Variants in GPHN observed in about 807,000 individuals in gnomAD.
GPHN encodes gephyrin.
A neutral mutation model predicts 95.5 loss-of-function variants in GPHN; 17 were observed. That is an observed-to-expected ratio of 0.18 (90% confidence interval 0.12 to 0.27). The LOEUF (loss-of-function observed/expected upper bound fraction) is 0.27. GPHN is among the 10% of genes least tolerant of loss of function. The pLI is 1.00. For missense variants in GPHN, 660 were observed against 978.1 expected (o/e 0.67, Z 4.34); for synonymous variants, 320 against 322.5 (o/e 0.99, Z 0.08).
chr14:66,614,038 T>G (rs1177840737), intron 1 of GPHN, among the ~76,000 whole-genome samples: 2 of 152,174 alleles, frequency 1.3e-5, no homozygotes, highest in Non-Finnish European at 2.9e-5. Context: ...AATTTGTATT[T>G]GTATTTGCCA....
At chr14:67,101,840 G>T (rs879390596) in intron 13 of GPHN, among the ~76,000 whole-genome samples, 57 of 145,228 alleles carry the variant, frequency 3.9e-4, no homozygotes, top group Non-Finnish European at 7.0e-4. Flanking sequence ...ATATATCATT[G>T]GTTTATGTAT....
In GPHN at chr14:66,703,363, A is replaced by G. The variant is rs117384118; in HGVS notation, c.143+22178A>G. On this transcript the variant is annotated intron_variant, in intron 2 of 22. Coordinates refer to ENST00000478722, the MANE Select transcript of GPHN (RefSeq NM_020806.5). ...AATCATCAGATTCTCCAAGGACAAA[A>G]TGAAGGAAAAAGTATTAAGGACAGC... Among the ~76,000 whole-genome samples the G allele has an allele frequency of 4.3e-3, 650 of 152,304 alleles. 7 individuals are homozygous for G. Among genetic ancestry groups the G allele is most frequent in the Admixed American group, 0.013 (193 of 15,300 alleles).
the GPHN span, chr14:67,578,753 C>T: frequency 4.2e-6 from 3 of 710,848 alleles, no homozygotes; most frequent in Admixed American, 2.1e-5. The surrounding 1 kb of genome is among the most constrained non-coding windows in gnomAD (Gnocchi z 5.0). Flanking sequence ...GCTCAGTGGT[C>T]GTGGAGACTT....
chr14:66,740,328 G>T (rs1462944188), intron 2 of GPHN, among the ~76,000 whole-genome samples: 1 of 152,058 alleles, frequency 6.6e-6, no homozygotes, highest in African/African-American at 2.4e-5. Context: ...TTAACGTCAT[G>T]AGGGAAATAT....
rs551352287 is a variant in GPHN at position 66,945,396 on chromosome 14, CT to C, written c.829-19793del. 1.7e-3 allele frequency among the ~76,000 whole-genome samples: 261 copies of C among 152,252 alleles called. 1 individual carries two copies. Among genetic ancestry groups the C allele is most frequent in the African/African-American group, 6.0e-3 (251 of 41,538 alleles). On this transcript the variant is annotated intron_variant, in intron 8 of 22. Transcript: ENST00000478722. Reference sequence around the variant, plus strand: ...TGGAGATTCTCCAGGGAACCTCCACCTTATCTACCTCCTGCATCTATCAGTA... The same window carrying C: ...TGGAGATTCTCCAGGGAACCTCCACCTATCTACCTCCTGCATCTATCAGTA...
chr14:67,187,288 A>C, the GPHN span, among the ~76,000 whole-genome samples: 4 of 152,196 alleles, frequency 2.6e-5, no homozygotes, highest in Admixed American at 2.6e-4. Context: ...CAAGCACCTC[A>C]TTCTTTCTGC....
intron 10 of GPHN, among the ~76,000 whole-genome samples, chr14:67,057,429 A>G (rs2075644315): frequency 6.7e-6 from 1 of 150,272 alleles, no homozygotes; most frequent in Non-Finnish European, 1.5e-5. Flanking sequence ...GCAACAGCAC[A>G]CACTGGGTCC....
chr14:67,390,845 G>A, the GPHN span: 28 of 831,340 alleles, frequency 3.4e-5, no homozygotes, highest in East Asian at 4.1e-4. Context: ...AAGCCAGCCC[G>A]CTCCAATGGG....
At chr14:66,799,273 G>A (rs2060263896) in intron 3 of GPHN, among the ~76,000 whole-genome samples, 1 of 151,954 alleles carries the variant, frequency 6.6e-6, no homozygotes, top group Admixed American at 6.6e-5. Context: ...GTGCTAAGGA[G>A]AGGAATGTGT....
At chr14:67,312,564 A>G in the GPHN span, 1 of 1,607,606 alleles carries the variant, frequency 6.2e-7, no homozygotes, top group Non-Finnish European at 8.5e-7. Context: ...GACCCCTCAG[A>G]TGACCCTTAT....
At chr14:67,325,517 G>A in the GPHN span, among the ~76,000 whole-genome samples, 1 of 152,186 alleles carries the variant, frequency 6.6e-6, no homozygotes, top group Non-Finnish European at 1.5e-5. Context: ...GAAATAGGCA[G>A]CATGGTCACT....
chr14:66,753,932 A>G (rs1197167279), intron 2 of GPHN, among the ~76,000 whole-genome samples: 1 of 152,074 alleles, frequency 6.6e-6, no homozygotes, highest in Non-Finnish European at 1.5e-5. Context: ...AGATTTGCCT[A>G]TTCTAGACTT....
chr14:66,719,620 C>A (rs1476855234), intron 2 of GPHN, among the ~76,000 whole-genome samples: 1 of 152,142 alleles, frequency 6.6e-6, no homozygotes, highest in African/African-American at 2.4e-5. Flanking sequence ...CTGCTCTGTT[C>A]ATCCCAGTCA....
At chr14:66,841,903 A>G (rs1453143262) in intron 4 of GPHN, among the ~76,000 whole-genome samples, 1 of 151,924 alleles carries the variant, frequency 6.6e-6, no homozygotes, top group Non-Finnish European at 1.5e-5. Context: ...AAGAAAAGAA[A>G]AAAGCCAGAC....
chr14:67,557,619 A>C, the GPHN span, among the ~76,000 whole-genome samples: 2 of 152,226 alleles, frequency 1.3e-5, no homozygotes, highest in Admixed American at 6.5e-5. Flanking sequence ...CAGGGGATAG[A>C]GTAGAAAAAG....
the GPHN span, among the ~76,000 whole-genome samples, chr14:67,468,945 TCA>T: frequency 2.0e-5 from 3 of 151,998 alleles, no homozygotes; most frequent in African/African-American, 7.2e-5. Flanking sequence ...TTGGGCCCCC[TCA>T]GTCTTCTCGC....
the GPHN span, chr14:67,563,036 G>T: frequency 2.5e-6 from 2 of 790,010 alleles, no homozygotes; most frequent in East Asian, 5.4e-5. Flanking sequence ...CATGGAGCCT[G>T]TGCAGACCAC....
chr14:66,528,636 G>A (rs1456060766), intron 1 of GPHN, among the ~76,000 whole-genome samples: 3 of 152,096 alleles, frequency 2.0e-5, no homozygotes, highest in Non-Finnish European at 4.4e-5. Flanking sequence ...CTTCCTTCAG[G>A]AGCTCTTGTA....
At chr14:67,360,266 A>ATGGTTAATGATGAAGAGGGGCCTC in the GPHN span, 2 of 399,036 alleles carry the variant, frequency 5.0e-6, no homozygotes, top group African/African-American at 4.1e-5. Context: ...CCCAGACTCT[A>ATGGTTAATGATGAAGAGGGGCCTC]TGGTTAATGA....
Sources: allele counts gnomAD v4.1 joint callset (sites outside exome capture counted in the v4.1 genomes callset), GRCh38; gene constraint gnomAD v4.1.1; non-coding constraint Gnocchi (gnomAD v3.1); transcripts MANE v1.5; gene names NCBI Gene and HGNC (gene_info 2026-07-23, HGNC 2026-07-21).